The following TAOK3 variants were observed in gnomAD, a reference collection of about 807,000 sequenced individuals.
TAOK3 encodes the protein TAO kinase 3, also known as serine/threonine-protein kinase TAO3.
TAOK3 carries 40 observed loss-of-function variants against 120.4 expected under a neutral mutation model. The ratio of observed to expected loss-of-function variants is 0.33; its 90% CI spans 0.26 to 0.43. The LOEUF is 0.43. TAOK3 is among the 20% of genes least tolerant of loss of function. TAOK3 has a pLI of 1.00. For synonymous variants in TAOK3, 355 were observed against 387.5 expected (o/e 0.92, Z 0.99); for missense variants, 821 against 1,112.1 (o/e 0.74, Z 3.72).
At chr12:118,163,901 G>T (rs2035395667) in intron 17 of TAOK3, among the ~76,000 whole-genome samples, 1 of 151,920 alleles carries the variant, frequency 6.6e-6, no homozygotes, top group South Asian at 2.1e-4. Flanking sequence ...TAGTAGAGAT[G>T]GAGTTTCTCC....
intron 9 of TAOK3, among the ~76,000 whole-genome samples, chr12:118,218,647 A>G (rs907144947): frequency 1.3e-5 from 2 of 151,590 alleles, no homozygotes; most frequent in African/African-American, 4.8e-5. Flanking sequence ...TTTCCTATAA[A>G]GACTCAACCC....
chr12:118,259,862 G>A (rs2041148768), intron 2 of TAOK3, among the ~76,000 whole-genome samples: 1 of 152,086 alleles, frequency 6.6e-6, no homozygotes, highest in Non-Finnish European at 1.5e-5. Context: ...ATTTGCAAAG[G>A]GTTCCCCTCA....
chr12:118,208,479 C>A (rs940415543), intron 11 of TAOK3, among the ~76,000 whole-genome samples: 4 of 152,024 alleles, frequency 2.6e-5, no homozygotes, highest in African/African-American at 7.2e-5. Context: ...AATGGCTTTT[C>A]AACTTACGAG....
At chr12:118,182,809 C>T (rs1013456736) in intron 14 of TAOK3, among the ~76,000 whole-genome samples, 2 of 151,688 alleles carry the variant, frequency 1.3e-5, no homozygotes, top group Non-Finnish European at 2.9e-5. Context: ...CATTCACTCA[C>T]TCTCCTAAAG....
chr12:118,217,811 GTATACATATATATATA>G lies in TAOK3; in HGVS notation c.644-3717_644-3702del, dbSNP rs1486531800. Among the ~76,000 whole-genome samples, 310 of 75,330 alleles carry G rather than the reference GTATACATATATATATA, an allele frequency of 4.1e-3. 13 individuals carry two copies. The highest frequency in any genetic ancestry group is 8.4e-3 in the African/African-American group (163 of 19,504). 49.4% of individuals were successfully genotyped at this position (75,330 alleles called of 152,430 possible). On this transcript the variant is annotated intron_variant, in intron 9 of 20. Transcript: ENST00000392533. ...TGTATGTATGTATGTGTGTGTGTGT[GTATACATATATATATA>G]TATATATATATATATATATATATAT...
intron 1 of TAOK3, among the ~76,000 whole-genome samples, chr12:118,274,374 A>G (rs1000983711): frequency 6.6e-6 from 1 of 152,204 alleles, no homozygotes; most frequent in African/African-American, 2.4e-5. Flanking sequence ...GTGGCAAATA[A>G]TGCAGAAGTA....
At chr12:118,230,914 T>C (rs772612383) in intron 9 of TAOK3, among the ~76,000 whole-genome samples, 2 of 152,136 alleles carry the variant, frequency 1.3e-5, no homozygotes, top group Non-Finnish European at 2.9e-5. Flanking sequence ...AGTAGTACCA[T>C]ATTATAACCT....
At chr12:118,284,828 G>A (rs898584488) in intron 1 of TAOK3, among the ~76,000 whole-genome samples, 2 of 152,046 alleles carry the variant, frequency 1.3e-5, no homozygotes, top group Admixed American at 1.3e-4. Context: ...CGAATGTCAT[G>A]AAAGCTAAGT....
At chr12:118,254,305 ACCAT>A (rs374028494) in intron 3 of TAOK3, among the ~76,000 whole-genome samples, 4,214 of 151,778 alleles carry the variant, frequency 0.028, 156 homozygotes, top group African/African-American at 0.08. Context: ...CTGTCTATCC[ACCAT>A]CCATCCATCC....
At chr12:118,230,477 T>C (rs2039719135) in intron 9 of TAOK3, among the ~76,000 whole-genome samples, 1 of 131,720 alleles carries the variant, frequency 7.6e-6, no homozygotes, top group African/African-American at 2.9e-5. Flanking sequence ...TTTTTTTTTT[T>C]TTTTTTTTTT....
intron 1 of TAOK3, among the ~76,000 whole-genome samples, chr12:118,364,787 C>T (rs777289496): frequency 2.6e-5 from 4 of 152,112 alleles, no homozygotes; most frequent in Non-Finnish European, 4.4e-5. Context: ...TGCCTGTAAT[C>T]GCAGCTACTC....
At chr12:118,210,100 ATAAG>A (rs901525061) in intron 11 of TAOK3, among the ~76,000 whole-genome samples, 8 of 152,272 alleles carry the variant, frequency 5.3e-5, no homozygotes, top group African/African-American at 1.7e-4. Flanking sequence ...AAATAAATAA[ATAAG>A]TATTTGGGGA....
At chr12:118,216,529 T>C (rs1290674353) in intron 9 of TAOK3, among the ~76,000 whole-genome samples, 1 of 152,180 alleles carries the variant, frequency 6.6e-6, no homozygotes, top group East Asian at 1.9e-4. Flanking sequence ...TAAAATGTGA[T>C]TCACATATTA....
At chr12:118,181,694 T>C in intron 14 of TAOK3, 87 bp from the exon 15 acceptor site, 1 of 1,126,960 alleles carries the variant, frequency 8.9e-7, no homozygotes. Flanking sequence ...TGTGGCATAA[T>C]TTTATCCATC....
At chr12:118,252,437 G>C (rs2040796130) in intron 3 of TAOK3, among the ~76,000 whole-genome samples, 2 of 152,110 alleles carry the variant, frequency 1.3e-5, no homozygotes, top group South Asian at 4.2e-4. Flanking sequence ...AGAGGGTTCT[G>C]ACTGAGGGAG....
intron 3 of TAOK3, among the ~76,000 whole-genome samples, chr12:118,245,250 G>A (rs2040439147): frequency 6.6e-6 from 1 of 151,800 alleles, no homozygotes; most frequent in African/African-American, 2.4e-5. Context: ...TGACCAGGCT[G>A]GTCTTAAACT....
rs1351248935 is a variant in TAOK3 at position 118,255,435 on chromosome 12, T to C, written c.120+13A>G. Reference sequence around the variant, plus strand: ...TAATCTGATCTATCTAAAAGACTCTTTTAAGTACTTACAAAATAAACTGCT... The same window carrying C: ...TAATCTGATCTATCTAAAAGACTCTCTTAAGTACTTACAAAATAAACTGCT... On this transcript the variant is annotated intron_variant, in intron 3 of 20. Coordinates refer to ENST00000392533, the MANE Select transcript of TAOK3 (RefSeq NM_016281.4). 1 of 1,613,784 alleles carries C rather than the reference T, an allele frequency of 6.2e-7. No homozygotes were observed. The highest frequency in any genetic ancestry group is 8.5e-7 in the Non-Finnish European group (1 of 1,179,904).
chr12:118,370,881 TTATC>T (rs2045874093), intron 1 of TAOK3, among the ~76,000 whole-genome samples: 1 of 152,194 alleles, frequency 6.6e-6, no homozygotes, highest in South Asian at 2.1e-4. Context: ...TTAAATAGGT[TTATC>T]TCTCTCCTTA....
intron 1 of TAOK3, among the ~76,000 whole-genome samples, chr12:118,309,286 G>A (rs1298444624): frequency 7.0e-6 from 1 of 143,666 alleles, no homozygotes; most frequent in Non-Finnish European, 1.5e-5. Context: ...CCGAGCTCGG[G>A]CCACTGCATT....
Sources: gnomAD v4.1 joint callset for allele counts (sites outside exome capture counted in the v4.1 genomes callset) on GRCh38, gnomAD v4.1.1 for gene constraint, MANE v1.5 for transcripts, NCBI Gene and HGNC (gene_info 2026-07-23, HGNC 2026-07-21) for gene names.